INO80C: variants seen among roughly 807,000 people sequenced by gnomAD.
INO80C encodes the protein INO80 complex subunit C, also known as IES6 homolog.
Under a neutral mutation model 17.7 loss-of-function variants are expected in INO80C, and 17 were observed. The ratio of observed to expected loss-of-function variants is 0.96; its 90% CI spans 0.66 to 1.44. The LOEUF is 1.44. Among genes scored for constraint, INO80C ranks in the 40% most tolerant of loss-of-function variants. The probability of loss-of-function intolerance (pLI) is 0.00; values close to 1 mark genes in which losing one functional copy is unlikely to be tolerated. For missense variants in INO80C, 244 were observed against 245.0 expected, an observed-to-expected ratio of 1.00 and a Z score of 0.03; for synonymous variants, 96 against 95.8, an observed-to-expected ratio of 1.00 and a Z score of -0.01.
At chr18:35,478,039 T>C (rs546127087) in intron 4 of INO80C, among the ~76,000 whole-genome samples, 43 of 152,328 alleles carry the variant, frequency 2.8e-4, no homozygotes, top group African/African-American at 9.9e-4. Flanking sequence ...TTATCTCATA[T>C]AGTTAACTAG....
intron 1 of INO80C, among the ~76,000 whole-genome samples, chr18:35,482,399 A>G (rs2045821126): frequency 6.6e-6 from 1 of 152,192 alleles, no homozygotes; most frequent in Admixed American, 6.5e-5. Context: ...GAATATGAAT[A>G]TATCTACATT....
intron 4 of INO80C, among the ~76,000 whole-genome samples, chr18:35,477,602 C>CA (rs918248696): frequency 3.3e-5 from 5 of 151,498 alleles, no homozygotes; most frequent in African/African-American, 4.9e-5. Flanking sequence ...CAAAACAAAA[C>CA]AAAAAAAGAT....
chr18:35,497,268 AC>A lies in INO80C; in HGVS notation c.156+450del, dbSNP rs1378363800. On this transcript the variant is annotated intron_variant, in intron 1 of 4. Coordinates refer to ENST00000334598, the MANE Select transcript of INO80C (RefSeq NM_194281.4). ...TTGGGAAACCCAGGGTCAAAAAAGC[AC>A]TTTTCTCAGGATGAGAGAAAGCATA... The A allele has an allele frequency of 3.3e-6, 3 of 921,534 alleles. No individual in the cohort carries two copies. The African/African-American group carries it at 5.4e-5, about 16-fold the overall frequency. The allele number at this position is 921,534 out of a possible 1,614,324, so 57.1% of individuals were successfully genotyped here.
At chr18:35,483,627 G>C (rs1469516183) in intron 1 of INO80C, 1 of 152,174 alleles carries the variant, frequency 6.6e-6, no homozygotes, top group Non-Finnish European at 1.5e-5. Context: ...TTGATTAACT[G>C]ATCAATGTTA....
intron 1 of INO80C, among the ~76,000 whole-genome samples, chr18:35,491,977 AGGCCT>A (rs1462087518): frequency 6.6e-6 from 1 of 152,228 alleles, no homozygotes; most frequent in African/African-American, 2.4e-5. Flanking sequence ...GGAGTTCACA[AGGCCT>A]GGGTCTCGCC....
chr18:35,478,517 A>G (rs1368037458), intron 3 of INO80C, among the ~76,000 whole-genome samples, 168 bp from the exon 4 acceptor site: 1 of 152,216 alleles, frequency 6.6e-6, no homozygotes, highest in Non-Finnish European at 1.5e-5. Context: ...GAGGATTCTC[A>G]GAAACAAGAC....
intron 2 of INO80C, 26 bp from the exon 3 acceptor site, chr18:35,479,437 G>T (rs201187495): frequency 1.0e-4 from 156 of 1,494,938 alleles, no homozygotes; most frequent in Non-Finnish European, 1.4e-4. Flanking sequence ...TGGATTAGAA[G>T]AAACAAAAAC....
At chr18:35,472,232 G>C (rs564020605) in intron 4 of INO80C, among the ~76,000 whole-genome samples, 1 of 152,288 alleles carries the variant, frequency 6.6e-6, no homozygotes, top group Admixed American at 6.5e-5. Context: ...GTGTAAAAGT[G>C]TTCCTATTTC....
intron 1 of INO80C, 54 bp downstream of exon 1, chr18:35,497,665 C>T: frequency 6.4e-7 from 1 of 1,572,042 alleles, no homozygotes. Context: ...GGCTCCGCCC[C>T]GCCAAGTCCC....
intron 1 of INO80C, among the ~76,000 whole-genome samples, chr18:35,490,967 C>T (rs2045927590): frequency 6.6e-6 from 1 of 152,182 alleles, no homozygotes; most frequent in African/African-American, 2.4e-5. Context: ...ACCATGTTGC[C>T]CACAGTGGTC....
chr18:35,495,417 T>C (rs1040255725), intron 1 of INO80C, among the ~76,000 whole-genome samples: 3 of 152,242 alleles, frequency 2.0e-5, no homozygotes, highest in South Asian at 2.1e-4. Context: ...CTGTCTTCTT[T>C]AGTAAATATC....
intron 1 of INO80C, among the ~76,000 whole-genome samples, chr18:35,484,105 G>C (rs1006852815): frequency 6.6e-6 from 1 of 152,110 alleles, no homozygotes; most frequent in Non-Finnish European, 1.5e-5. Context: ...CAAGGTTAAA[G>C]GCCAAAAAGA....
intron 4 of INO80C, among the ~76,000 whole-genome samples, chr18:35,469,564 C>T (rs1177547735): frequency 6.6e-6 from 1 of 152,190 alleles, no homozygotes; most frequent in East Asian, 1.9e-4. Flanking sequence ...CCAGTTCATT[C>T]TTCAGGACTC....
At chr18:35,480,883 T>C (rs1183168516) in intron 1 of INO80C, among the ~76,000 whole-genome samples, 1 of 152,204 alleles carries the variant, frequency 6.6e-6, no homozygotes, top group Non-Finnish European at 1.5e-5. Flanking sequence ...TAGGTGCTAT[T>C]ATCCCCAGCA....
At chr18:35,482,455 C>T (rs766327946) in intron 1 of INO80C, among the ~76,000 whole-genome samples, 2 of 152,172 alleles carry the variant, frequency 1.3e-5, no homozygotes, top group African/African-American at 4.8e-5. Flanking sequence ...GAACCACTCA[C>T]ATTGCTGCAA....
At position 35,497,709 on chromosome 18, in the gene INO80C, G is replaced by C. The variant is rs117569917; in HGVS notation, c.156+10C>G. On this transcript the variant is annotated intron_variant, in intron 1 of 4. Coordinates refer to ENST00000334598, the MANE Select transcript of INO80C (RefSeq NM_194281.4). ...ACGCGCACGCGCAGCCTGGGAGCGC[G>C]ACTGCGTACCTGCGCAAAGCTGGAA... 0.016 allele frequency: 25,168 copies of C among 1,609,194 alleles called. 273 individuals are homozygous for C. Among genetic ancestry groups the C allele is most frequent in the South Asian group, 0.035 (3,148 of 90,738 alleles).
At chr18:35,468,888 TCA>T in intron 4 of INO80C, 146 bp from the exon 5 acceptor site, 1 of 728,316 alleles carries the variant, frequency 1.4e-6, no homozygotes, top group Non-Finnish European at 2.2e-6. Flanking sequence ...ACTAAATCAC[TCA>T]CTGTGGCACA....
chr18:35,477,277 A>G (rs909603411), intron 4 of INO80C, among the ~76,000 whole-genome samples: 3 of 152,184 alleles, frequency 2.0e-5, no homozygotes, highest in Non-Finnish European at 4.4e-5. Flanking sequence ...AAGATATACC[A>G]TCCACACATG....
chr18:35,478,334 G>C lies in INO80C; in HGVS notation c.395C>G (p.Ala132Gly), dbSNP rs755405360. 6.3e-7 allele frequency: 1 copy of C among 1,586,886 alleles called. No homozygotes were observed. Among genetic ancestry groups the C allele is most frequent in the South Asian group, 1.1e-5 (1 of 88,008 alleles). ...LNDPNYFSID[A>G]PPSFKPAKKY... is the part of the protein sequence containing the mutation. Reference sequence around the variant, plus strand: ...CTTAGCTGGCTTAAAGGATGGAGGAGCATCAATACTGAAGTCTGGGAAAAA... The same window carrying C: ...CTTAGCTGGCTTAAAGGATGGAGGACCATCAATACTGAAGTCTGGGAAAAA... Residue 132 changes from alanine to glycine, a missense_variant, in exon 4 of 5, where the codon GCT becomes GGT. By Grantham distance (60) the Ala-to-Gly change is moderately conservative (BLOSUM62 0). Transcript: ENST00000334598.
Sources: allele counts gnomAD v4.1 joint callset (sites outside exome capture counted in the v4.1 genomes callset), GRCh38; gene constraint gnomAD v4.1.1; transcripts MANE v1.5; gene names NCBI Gene and HGNC (gene_info 2026-07-23, HGNC 2026-07-21).